SLC25A40: variants seen among roughly 807,000 people sequenced by gnomAD.
SLC25A40 encodes mitochondrial glutathione transporter SLC25A40.
Under a neutral mutation model 46.5 loss-of-function variants are expected in SLC25A40, and 41 were observed. The ratio of observed to expected loss-of-function variants is 0.88; its 90% CI spans 0.69 to 1.14. The LOEUF (loss-of-function observed/expected upper bound fraction) is 1.14, where lower values mean the gene tolerates loss of function less well. Ranked by LOEUF, SLC25A40 falls within the 50% of genes most tolerant of loss-of-function variation. The pLI is 0.00. For missense variants in SLC25A40, 386 were observed against 393.6 expected (o/e 0.98, Z 0.16); for synonymous variants, 126 against 127.5 (o/e 0.99, Z 0.08).
intron 1 of SLC25A40, among the ~76,000 whole-genome samples, chr7:87,863,203 CATG>C (rs1209114914): frequency 6.6e-6 from 1 of 152,040 alleles, no homozygotes; most frequent in Non-Finnish European, 1.5e-5. Context: ...CTTAGGAATG[CATG>C]ATATGGTTCG....
At chr7:87,851,729 G>T (rs1175762099) in intron 5 of SLC25A40, among the ~76,000 whole-genome samples, 1 of 152,194 alleles carries the variant, frequency 6.6e-6, no homozygotes, top group Non-Finnish European at 1.5e-5. Context: ...ATAGAGGCTG[G>T]GTGGGGAACC....
intron 1 of SLC25A40, among the ~76,000 whole-genome samples, chr7:87,862,707 C>G (rs1838725876): frequency 6.6e-6 from 1 of 152,064 alleles, no homozygotes; most frequent in African/African-American, 2.4e-5. Flanking sequence ...AAAGACATAC[C>G]CAAGACTGGG....
chr7:87,876,340 A>C lies in SLC25A40; in HGVS notation c.-338T>G, dbSNP rs1049008792. On this transcript the variant is annotated 5_prime_UTR_variant, in exon 1 of 12. Coordinates refer to ENST00000341119, the MANE Select transcript of SLC25A40 (RefSeq NM_018843.4). ...AGGCGGAAACACAACCTGCAGGGCCAGAGCGAGGCGCGAGAAGGACGGCGG... is the reference window on the plus strand; with the variant it reads ...AGGCGGAAACACAACCTGCAGGGCCCGAGCGAGGCGCGAGAAGGACGGCGG... The C allele has an allele frequency of 5.5e-6, 1 of 182,298 alleles. No homozygotes were observed. The highest frequency in any genetic ancestry group is 1.1e-5 in the Non-Finnish European group (1 of 89,090). 11.3% of individuals were successfully genotyped at this position (182,298 alleles called of 1,614,324 possible).
At chr7:87,848,073 CTT>C in intron 6 of SLC25A40, 96 bp from the exon 7 acceptor site, 2 of 1,380,710 alleles carry the variant, frequency 1.4e-6, no homozygotes, top group South Asian at 3.0e-5. Flanking sequence ...CTAAAAAAGT[CTT>C]ATATTTTGTG....
intron 8 of SLC25A40, among the ~76,000 whole-genome samples, chr7:87,844,489 A>G (rs568335179): frequency 1.3e-5 from 2 of 152,218 alleles, no homozygotes; most frequent in East Asian, 1.9e-4. Context: ...AATGAGATCT[A>G]TTTTCTTTAA....
intron 5 of SLC25A40, 27 bp downstream of exon 5, chr7:87,854,177 T>A: frequency 7.2e-7 from 1 of 1,381,276 alleles, no homozygotes; most frequent in Non-Finnish European, 1.0e-6. Context: ...AAATATACTG[T>A]GATTCTAAGG....
chr7:87,834,071 TAAA>T lies in SLC25A40; in HGVS notation c.*2175_*2177del, dbSNP rs1318485527. 1 of 151,904 alleles carries T rather than the reference TAAA, an allele frequency of 6.6e-6. No individual in the cohort carries two copies. The highest frequency in any genetic ancestry group is 1.5e-5 in the Non-Finnish European group (1 of 67,892). The allele number at this position is 151,904 out of a possible 1,614,324, so 9.4% of individuals were successfully genotyped here. A position where few individuals can be genotyped will look rare whatever the true frequency, so the allele number is the denominator to read the frequency against. On this transcript the variant is annotated 3_prime_UTR_variant, in exon 12 of 12. Transcript: ENST00000341119. Reference sequence around the variant, plus strand: ...GTTAGAAAATTTAACATTAATAGAATAAAAACTGTTTTAGAAACATCACCAAGA... The same window carrying T: ...GTTAGAAAATTTAACATTAATAGAATAACTGTTTTAGAAACATCACCAAGA...
intron 1 of SLC25A40, among the ~76,000 whole-genome samples, chr7:87,863,785 G>A (rs930070080): frequency 2.3e-4 from 35 of 151,980 alleles, no homozygotes; most frequent in African/African-American, 7.3e-4. Context: ...CTTACTCAAC[G>A]ATCAAACACT....
At chr7:87,843,708 CA>C (rs2130998929) in intron 9 of SLC25A40, 45 bp downstream of exon 9, 4 of 1,447,768 alleles carry the variant, frequency 2.8e-6, no homozygotes, top group Non-Finnish European at 3.8e-6. Flanking sequence ...TGTTTTAATA[CA>C]ACAATTATTC....
chr7:87,875,786 C>T (rs1207115087), intron 1 of SLC25A40, among the ~76,000 whole-genome samples: 1 of 152,216 alleles, frequency 6.6e-6, no homozygotes, highest in Admixed American at 6.5e-5. Context: ...GACCTGGAGG[C>T]GTTCTGCGGT....
At chr7:87,841,775 TAC>T in intron 9 of SLC25A40, 61 bp from the exon 10 acceptor site, 1 of 982,138 alleles carries the variant, frequency 1.0e-6, no homozygotes. Context: ...AAAATATTTT[TAC>T]ATTCTTCTTA....
intron 1 of SLC25A40, among the ~76,000 whole-genome samples, chr7:87,865,862 G>A (rs1338134394): frequency 2.0e-5 from 3 of 152,126 alleles, no homozygotes; most frequent in East Asian, 1.9e-4. Context: ...CAGGTGGATC[G>A]CTTGAGCCCA....
At chr7:87,855,958 T>C (rs766441183) in intron 4 of SLC25A40, among the ~76,000 whole-genome samples, 4 of 152,180 alleles carry the variant, frequency 2.6e-5, no homozygotes, top group Non-Finnish European at 4.4e-5. Flanking sequence ...ATGATGGTCA[T>C]GAATGCTCTA....
intron 1 of SLC25A40, among the ~76,000 whole-genome samples, chr7:87,875,062 AAT>A (rs1273300844): frequency 2.0e-5 from 3 of 152,204 alleles, no homozygotes; most frequent in African/African-American, 7.2e-5. Context: ...TACAATATTG[AAT>A]ATGTTTGTTC....
intron 8 of SLC25A40, among the ~76,000 whole-genome samples, chr7:87,846,434 C>G (rs2131001521): frequency 6.6e-6 from 1 of 152,266 alleles, no homozygotes; most frequent in Admixed American, 6.5e-5. Context: ...ATTTACACTT[C>G]TCACTTTTCA....
rs746455065 is a variant in SLC25A40 at position 87,843,843 on chromosome 7, CAT to C, written c.650_651del (p.Tyr217Ter). On this transcript the variant is annotated frameshift_variant, in exon 9 of 12. Coordinates refer to ENST00000341119, the MANE Select transcript of SLC25A40 (RefSeq NM_018843.4). LOFTEE classifies it high-confidence loss of function. ...VPFSAMYWYN[Y>X]EILKKWLCEK... ...TCACATAACCACTTCTTTAAAATTT[CAT>C]AGTTATACCAGTACATTGCTATAAA... 22 of 1,602,956 alleles carry C rather than the reference CAT, an allele frequency of 1.4e-5. 1 individual carries two copies. Among genetic ancestry groups the C allele is most frequent in the Non-Finnish European group, 1.8e-5 (21 of 1,171,260 alleles).
intron 8 of SLC25A40, 85 bp downstream of exon 8, chr7:87,846,864 A>G: frequency 8.6e-7 from 1 of 1,158,666 alleles, no homozygotes. Context: ...CTTTAATGGT[A>G]AAGAGTTAAA....
At chr7:87,845,668 T>G (rs1838405238) in intron 8 of SLC25A40, among the ~76,000 whole-genome samples, 1 of 152,038 alleles carries the variant, frequency 6.6e-6, no homozygotes, top group Non-Finnish European at 1.5e-5. Context: ...CAACCAGCTA[T>G]CCATGTGGGA....
At chr7:87,857,051 T>C (rs1838625937) in intron 3 of SLC25A40, among the ~76,000 whole-genome samples, 1 of 152,182 alleles carries the variant, frequency 6.6e-6, no homozygotes. Context: ...GTTATTTACA[T>C]AAACTAGCCA....
Sources: allele counts gnomAD v4.1 joint callset (sites outside exome capture counted in the v4.1 genomes callset), GRCh38; gene constraint gnomAD v4.1.1; transcripts MANE v1.5; gene names NCBI Gene and HGNC (gene_info 2026-07-23, HGNC 2026-07-21).